The following AKAIN1 variants were observed in gnomAD, a reference collection of about 807,000 sequenced individuals.
The protein encoded by AKAIN1 is A-kinase anchor protein inhibitor 1.
AKAIN1 carries 3 observed loss-of-function variants against 3.7 expected under a neutral mutation model. The ratio of observed to expected loss-of-function variants is 0.82; its 90% CI spans 0.37 to 2.12. The LOEUF (loss-of-function observed/expected upper bound fraction) is 2.12, where lower values mean the gene tolerates loss of function less well. Ranked by LOEUF, AKAIN1 falls within the 30% of genes most tolerant of loss-of-function variation. The pLI, the probability that AKAIN1 is intolerant of heterozygous loss-of-function variation, is 0.06. For missense variants in AKAIN1, 82 were observed against 82.7 expected, an observed-to-expected ratio of 0.99 and a Z score of 0.03; for synonymous variants, 31 against 30.8, an observed-to-expected ratio of 1.01 and a Z score of -0.02.
At position 5,197,177 on chromosome 18, in the gene AKAIN1, C is replaced by T. The variant is rs566726614; in HGVS notation, c.-124G>A. 20 of 1,502,424 alleles carry T rather than the reference C, an allele frequency of 1.3e-5. No homozygotes were observed. The highest frequency in any genetic ancestry group is 1.8e-5 in the Non-Finnish European group (20 of 1,129,548). The allele number at this position is 1,502,424 out of a possible 1,614,324, so 93.1% of individuals were successfully genotyped here. A position where few individuals can be genotyped will look rare whatever the true frequency, so the allele number is the denominator to read the frequency against. On this transcript the variant is annotated 5_prime_UTR_variant, in exon 1 of 2. Transcript: ENST00000434239. This position sits in a 1 kb window ranked among gnomAD's most constrained non-coding sequence, Gnocchi z 6.9. ...CGCGCTGGGCGGGCGGCGGGCGGGG[C>T]GGTCAGCACCCCGGACAGCTCCCGC...
At chr18:5,185,073 T>G (rs1272159898) in intron 1 of AKAIN1, among the ~76,000 whole-genome samples, 1 of 151,822 alleles carries the variant, frequency 6.6e-6, no homozygotes, top group African/African-American at 2.4e-5. Flanking sequence ...TTCAACAAAG[T>G]TGACAAGAAC....
chr18:5,186,531 A>C (rs2143027085), intron 1 of AKAIN1, among the ~76,000 whole-genome samples: 1 of 152,250 alleles, frequency 6.6e-6, no homozygotes, highest in South Asian at 2.1e-4. Flanking sequence ...AGAGAGCTTC[A>C]AAATACATAC....
intron 1 of AKAIN1, among the ~76,000 whole-genome samples, chr18:5,192,409 C>CTT (rs1360510750): frequency 8.7e-6 from 1 of 115,182 alleles, no homozygotes; most frequent in Non-Finnish European, 1.9e-5. Flanking sequence ...TTCTTTCTTT[C>CTT]TTTCTTTCTT....
intron 1 of AKAIN1, among the ~76,000 whole-genome samples, chr18:5,156,421 T>C (rs1340486461): frequency 6.6e-6 from 1 of 152,178 alleles, no homozygotes; most frequent in African/African-American, 2.4e-5. Flanking sequence ...AAGTAATATT[T>C]AGTCCCTGGA....
At chr18:5,190,805 T>C (rs1480134715) in intron 1 of AKAIN1, among the ~76,000 whole-genome samples, 2 of 152,074 alleles carry the variant, frequency 1.3e-5, no homozygotes, top group African/African-American at 2.4e-5. Context: ...AGAGATAATA[T>C]CTCTCATGTC....
At chr18:5,146,514 G>A (rs2071050245) in intron 1 of AKAIN1, among the ~76,000 whole-genome samples, 1 of 152,136 alleles carries the variant, frequency 6.6e-6, no homozygotes, top group Non-Finnish European at 1.5e-5. Flanking sequence ...AACCTCGCTG[G>A]GGCTGGAGAA....
chr18:5,145,113 G>T lies in AKAIN1; in HGVS notation c.*449C>A, dbSNP rs2071040927. On this transcript the variant is annotated 3_prime_UTR_variant, in exon 2 of 2. Coordinates refer to ENST00000434239, the MANE Select transcript of AKAIN1 (RefSeq NM_001145194.2). Reference sequence around the variant, plus strand: ...AAAGCCTTCAATTTCACATTTGAAGGTAACTAAAACTGCATTCCCTCACCT... The same window carrying T: ...AAAGCCTTCAATTTCACATTTGAAGTTAACTAAAACTGCATTCCCTCACCT... Among the ~76,000 whole-genome samples, 1 of 152,080 alleles carries T rather than the reference G, an allele frequency of 6.6e-6. No homozygotes were observed. Among genetic ancestry groups the T allele is most frequent in the Non-Finnish European group, 1.5e-5 (1 of 68,010 alleles).
chr18:5,183,240 C>T (rs1314549702), intron 1 of AKAIN1, among the ~76,000 whole-genome samples: 1 of 151,806 alleles, frequency 6.6e-6, no homozygotes, highest in Non-Finnish European at 1.5e-5. Context: ...ATTGAGTAAA[C>T]AATCACATCA....
intron 1 of AKAIN1, among the ~76,000 whole-genome samples, chr18:5,186,302 C>T (rs933122363): frequency 1.3e-5 from 2 of 151,876 alleles, no homozygotes; most frequent in African/African-American, 4.8e-5. Flanking sequence ...CAAAATAATC[C>T]GTACACCAAA....
intron 1 of AKAIN1, among the ~76,000 whole-genome samples, chr18:5,165,843 T>G (rs2071164904): frequency 1.3e-5 from 2 of 151,998 alleles, no homozygotes; most frequent in South Asian, 4.1e-4. Context: ...GCCCACTGAT[T>G]GCAGTGAAAA....
chr18:5,168,864 TA>T (rs34950957), intron 1 of AKAIN1, among the ~76,000 whole-genome samples: 5,114 of 122,540 alleles, frequency 0.042, 190 homozygotes, highest in East Asian at 0.13. Context: ...GGCAATTCAT[TA>T]AAAAAAAAAA....
chr18:5,157,468 T>C (rs1442858775), intron 1 of AKAIN1, among the ~76,000 whole-genome samples: 1 of 152,210 alleles, frequency 6.6e-6, no homozygotes, highest in Non-Finnish European at 1.5e-5. Context: ...TGGCCTCCCA[T>C]TGCATTTGGA....
upstream of AKAIN1, chr18:5,197,428 G>T: frequency 8.0e-7 from 1 of 1,245,718 alleles, no homozygotes; most frequent in Non-Finnish European, 1.0e-6. The surrounding 1 kb of genome is among the most constrained non-coding windows in gnomAD (Gnocchi z 6.9). Flanking sequence ...TCCCGGCAGG[G>T]GACAGTGAAT....
At chr18:5,151,161 T>G (rs2143311743) in intron 1 of AKAIN1, among the ~76,000 whole-genome samples, 1 of 152,314 alleles carries the variant, frequency 6.6e-6, no homozygotes, top group African/African-American at 2.4e-5. Flanking sequence ...ACAGGGCTGC[T>G]GCTGGTAAAC....
In AKAIN1 at chr18:5,184,671, C is replaced by T. The variant is rs547604982; in HGVS notation, c.16+12367G>A. ...GATCTCTACAACAAGAATTATAAAA[C>T]ACTGCCCAAAGAAATCAGAGGTGAT... is the stretch of plus-strand genomic sequence containing the variant. On this transcript the variant is annotated intron_variant, in intron 1 of 1. Transcript: ENST00000434239. Among the ~76,000 whole-genome samples, 4 of 152,184 alleles carry T rather than the reference C, an allele frequency of 2.6e-5. No individual in the cohort carries two copies. In the South Asian group the frequency reaches 8.3e-4, roughly 32 times the overall value.
intron 1 of AKAIN1, among the ~76,000 whole-genome samples, chr18:5,186,152 A>G (rs1274243581): frequency 1.3e-5 from 2 of 152,138 alleles, no homozygotes; most frequent in Non-Finnish European, 2.9e-5. Flanking sequence ...GTTCTCAGTT[A>G]TAAGTGGGAG....
chr18:5,197,263 C>CA (rs1162081532), upstream of AKAIN1: 1 of 1,375,308 alleles, frequency 7.3e-7, no homozygotes, highest in Admixed American at 3.8e-5. The surrounding 1 kb of genome is among the most constrained non-coding windows in gnomAD (Gnocchi z 6.9). Context: ...ACAATGCGGC[C>CA]ACAGCGGCGG....
At chr18:5,159,536 C>A (rs1451653835) in intron 1 of AKAIN1, 3 of 152,076 alleles carry the variant, frequency 2.0e-5, no homozygotes, top group African/African-American at 7.2e-5. Flanking sequence ...TTCTAGCAAG[C>A]AAACTATGGT....
chr18:5,158,397 A>G lies in AKAIN1; in HGVS notation c.17-12642T>C, dbSNP rs141451010. Among the ~76,000 whole-genome samples, 25 of 152,306 alleles carry G rather than the reference A, an allele frequency of 1.6e-4. No individual in the cohort carries two copies. In the East Asian group the frequency reaches 4.8e-3, roughly 29 times the overall value. ...AGAGACGGTGCAGAAAACACACTAG[A>G]ACGTGAATATTAGAAAGGCTGCTCC... On this transcript the variant is annotated intron_variant, in intron 1 of 1. Coordinates refer to ENST00000434239, the MANE Select transcript of AKAIN1 (RefSeq NM_001145194.2).
Sources: gnomAD v4.1 joint callset for allele counts (sites outside exome capture counted in the v4.1 genomes callset) on GRCh38, gnomAD v4.1.1 for gene constraint, Gnocchi (gnomAD v3.1) non-coding constraint, MANE v1.5 for transcripts, NCBI Gene and HGNC (gene_info 2026-07-23, HGNC 2026-07-21) for gene names.